Variants in NEBL observed in about 807,000 individuals in gnomAD.
NEBL encodes nebulette.
NEBL carries 122 observed loss-of-function variants against 140.2 expected under a neutral mutation model. The ratio of observed to expected loss-of-function variants is 0.87; its 90% confidence interval spans 0.75 to 1.01. The LOEUF is 1.01. NEBL is among the 50% of genes least tolerant of loss of function. The pLI, the probability that NEBL is intolerant of heterozygous loss-of-function variation, is 0.00. For synonymous variants in NEBL, 436 were observed against 398.9 expected, an observed-to-expected ratio of 1.09 and a Z score of -1.11; for missense variants, 1,365 against 1,231.3, an observed-to-expected ratio of 1.11 and a Z score of -1.62.
At chr10:21,251,764 T>C (rs67755252) in exon 2 of NEBL, among the ~76,000 whole-genome samples, 46,929 of 151,910 alleles carry the variant, frequency 0.31, 8,981 homozygotes, top group African/African-American at 0.54. Context: ...AGAGAAAAGA[T>C]GGCCATCCAT....
chr10:21,134,856 T>G, intron 2 of NEBL, among the ~76,000 whole-genome samples: 1 of 152,252 alleles, frequency 6.6e-6, no homozygotes, highest in East Asian at 1.9e-4. Flanking sequence ...TACGCTACTC[T>G]GCAATGCTGC....
chr10:20,856,891 T>C (rs1373603841), intron 9 of NEBL, among the ~76,000 whole-genome samples: 2 of 152,182 alleles, frequency 1.3e-5, no homozygotes, highest in African/African-American at 2.4e-5. Flanking sequence ...CTGGAGCACA[T>C]TGGTGCCATC....
chr10:21,208,262 C>T (rs974255), intron 3 of NEBL, among the ~76,000 whole-genome samples: 3 of 152,144 alleles, frequency 2.0e-5, no homozygotes, highest in Non-Finnish European at 4.4e-5. Context: ...GACCAGCTAA[C>T]GTCTAGTTTC....
At chr10:20,822,658 TAG>T (rs1839449291) in intron 19 of NEBL, among the ~76,000 whole-genome samples, 1 of 89,776 alleles carries the variant, frequency 1.1e-5, no homozygotes, top group African/African-American at 3.1e-5. Flanking sequence ...AGGCTATATA[TAG>T]ATATATAGAG....
Position 20,897,157 on chromosome 10 carries a change from TTTC to T in NEBL, c.46_48del (p.Glu16del). ...TCTTCATTTTCTTCTTCCCCTATCT[TTTC>T]TTCTTCAGTTTCATCTTTTATATCC... On this transcript the variant is annotated inframe_deletion, in exon 1 of 28. Transcript: ENST00000377122. 6.2e-7 allele frequency: 1 copy of T among 1,606,928 alleles called. No homozygotes were observed. The highest frequency in any genetic ancestry group is 8.5e-7 in the Non-Finnish European group (1 of 1,173,638).
At chr10:21,080,187 G>C (rs74121008) in intron 2 of NEBL, among the ~76,000 whole-genome samples, 1 of 152,176 alleles carries the variant, frequency 6.6e-6, no homozygotes. Flanking sequence ...TAATGAAAGC[G>C]ATTTCTTAAC....
chr10:21,270,784 G>T (rs1379779848), intron 1 of NEBL, among the ~76,000 whole-genome samples: 1 of 152,064 alleles, frequency 6.6e-6, no homozygotes, highest in Non-Finnish European at 1.5e-5. Context: ...TATCTTAGTG[G>T]GTTCTCAATA....
upstream of NEBL, among the ~76,000 whole-genome samples, chr10:21,177,940 GT>G (rs1465861226): frequency 6.6e-6 from 1 of 152,120 alleles, no homozygotes; most frequent in African/African-American, 2.4e-5. Flanking sequence ...TCAACTGCAT[GT>G]TTTCCATTTG....
intron 5 of NEBL, among the ~76,000 whole-genome samples, chr10:20,870,716 A>G (rs1844840068): frequency 6.6e-6 from 1 of 152,240 alleles, no homozygotes; most frequent in Admixed American, 6.5e-5. Flanking sequence ...AATAAATATC[A>G]TTGGAATGAC....
At chr10:21,013,845 T>C (rs902568801) in intron 3 of NEBL, among the ~76,000 whole-genome samples, 1 of 152,112 alleles carries the variant, frequency 6.6e-6, no homozygotes, top group Non-Finnish European at 1.5e-5. Context: ...GCCACTGCAC[T>C]CCAGCCTGGC....
chr10:21,038,028 TAG>T (rs376613955), intron 2 of NEBL, among the ~76,000 whole-genome samples: 1 of 151,670 alleles, frequency 6.6e-6, no homozygotes, highest in East Asian at 1.9e-4. Flanking sequence ...AGAAACCTTC[TAG>T]AGAGAGAGAG....
upstream of NEBL, chr10:21,174,731 G>A (rs919976724): frequency 2.0e-5 from 3 of 152,232 alleles, no homozygotes; most frequent in African/African-American, 7.2e-5. Flanking sequence ...CCGCTCCCAC[G>A]GGCCTCTTCC....
At position 20,933,168 on chromosome 10, in the gene NEBL, A is replaced by G. The variant is rs1306929710; in HGVS notation, c.357+28504T>C. Among the ~76,000 whole-genome samples, 3 of 152,180 alleles carry G rather than the reference A, an allele frequency of 2.0e-5. No individual in the cohort carries two copies. In the South Asian group the frequency reaches 6.2e-4, roughly 32 times the overall value. Reference sequence around the variant, plus strand: ...TCCCCAGCAATGATTTGAAGCCTTTAGATTACTTATGGTTCACCATTTGCA... The same window carrying G: ...TCCCCAGCAATGATTTGAAGCCTTTGGATTACTTATGGTTCACCATTTGCA... On this transcript the variant is annotated intron_variant, in intron 4 of 6. Transcript: ENST00000417816.
intron 23 of NEBL, chr10:20,813,700 T>G: frequency 2.0e-6 from 1 of 507,256 alleles, no homozygotes; most frequent in Non-Finnish European, 3.6e-6. Context: ...ACTATGAGTT[T>G]ACAGTAGTCA....
chr10:21,155,964 G>T (rs553796782), intron 2 of NEBL, among the ~76,000 whole-genome samples: 1 of 152,112 alleles, frequency 6.6e-6, no homozygotes, highest in Non-Finnish European at 1.5e-5. Context: ...TATTGCCACC[G>T]CTCAAAAGCA....
intron 26 of NEBL, among the ~76,000 whole-genome samples, chr10:20,787,769 A>T (rs965393205): frequency 1.3e-5 from 2 of 152,228 alleles, no homozygotes; most frequent in Non-Finnish European, 2.9e-5. Flanking sequence ...GCTGAATGTT[A>T]CTTTTACAAA....
chr10:21,128,473 G>A (rs548729827), intron 2 of NEBL, among the ~76,000 whole-genome samples: 3 of 152,192 alleles, frequency 2.0e-5, no homozygotes, highest in African/African-American at 7.2e-5. Flanking sequence ...ATGACACACT[G>A]AGCCACATAA....
At chr10:21,167,139 G>A (rs947219063) in intron 2 of NEBL, among the ~76,000 whole-genome samples, 20 of 152,210 alleles carry the variant, frequency 1.3e-4, no homozygotes, top group Non-Finnish European at 2.8e-4. Flanking sequence ...CCTCTTGCAG[G>A]CGGTAGAAAG....
chr10:21,144,835 G>A (rs1326095506), intron 2 of NEBL, among the ~76,000 whole-genome samples: 1 of 151,978 alleles, frequency 6.6e-6, no homozygotes, highest in Non-Finnish European at 1.5e-5. Flanking sequence ...CACGTCATAT[G>A]TCTCTCATCT....
Sources: gnomAD v4.1 joint callset for allele counts (sites outside exome capture counted in the v4.1 genomes callset) on GRCh38, gnomAD v4.1.1 for gene constraint, MANE v1.5 for transcripts, NCBI Gene and HGNC (gene_info 2026-07-23, HGNC 2026-07-21) for gene names.